Variants in DENND2C observed in about 807,000 individuals in gnomAD.
DENND2C encodes DENN domain-containing protein 2C.
Under a neutral mutation model 112.4 loss-of-function variants are expected in DENND2C, and 72 were observed. The observed-to-expected ratio is 0.64, with a 90% CI of 0.53 to 0.78. DENND2C has a LOEUF of 0.78. DENND2C is among the 30% of genes least tolerant of loss of function. DENND2C has a pLI of 0.00. For missense variants in DENND2C, 992 were observed against 1,113.8 expected, an observed-to-expected ratio of 0.89 and a Z score of 1.56; for synonymous variants, 329 against 381.6, an observed-to-expected ratio of 0.86 and a Z score of 1.61.
chr1:114,627,962 A>G (rs1557950811), intron 3 of DENND2C, among the ~76,000 whole-genome samples: 1 of 150,834 alleles, frequency 6.6e-6, no homozygotes, highest in East Asian at 1.9e-4. Context: ...TCAAATTGAG[A>G]AAAAAAAATG....
rs1655322171 is a variant in DENND2C, at chr1:114,595,595, T to C, written c.2325+237A>G. On this transcript the variant is annotated intron_variant, in intron 17 of 20. Transcript: ENST00000393274. ...GAGTTGAAGGGTGGTTTTACCTCTTTTGAGAATGAGACATTTATGTTTCCT... is the reference window on the plus strand; with the variant it reads ...GAGTTGAAGGGTGGTTTTACCTCTTCTGAGAATGAGACATTTATGTTTCCT... The C allele has an allele frequency of 9.1e-6, 4 of 437,702 alleles. 1 individual carries two copies. In the Admixed American group the frequency reaches 1.6e-4, roughly 17 times the overall value. The allele number at this position is 437,702 out of a possible 1,614,324, so 27.1% of individuals were successfully genotyped here. A position where few individuals can be genotyped will look rare whatever the true frequency, so the allele number is the denominator to read the frequency against.
At chr1:114,661,964 T>C (rs1288598910) in intron 1 of DENND2C, among the ~76,000 whole-genome samples, 1 of 152,204 alleles carries the variant, frequency 6.6e-6, no homozygotes, top group Non-Finnish European at 1.5e-5. Flanking sequence ...TCAACCCTGA[T>C]TTATGTCAAT....
intron 19 of DENND2C, 103 bp downstream of exon 19, chr1:114,587,613 A>T (rs1655074610): frequency 7.0e-7 from 1 of 1,419,798 alleles, no homozygotes; most frequent in South Asian, 1.3e-5. Flanking sequence ...AACAACTCAG[A>T]TTTTAAGCCC....
intron 2 of DENND2C, among the ~76,000 whole-genome samples, chr1:114,647,964 T>C (rs1657043658): frequency 6.6e-6 from 1 of 151,840 alleles, no homozygotes; most frequent in Non-Finnish European, 1.5e-5. Context: ...CCCTCCACCA[T>C]GCGCAGCTAA....
chr1:114,618,003 T>G (rs1656022914), intron 8 of DENND2C, among the ~76,000 whole-genome samples: 1 of 152,050 alleles, frequency 6.6e-6, no homozygotes, highest in Non-Finnish European at 1.5e-5. Context: ...TTTTTTTTTT[T>G]TTTGAGATGG....
At chr1:114,593,099 C>T (rs1265697514) in intron 18 of DENND2C, among the ~76,000 whole-genome samples, 1 of 152,086 alleles carries the variant, frequency 6.6e-6, no homozygotes, top group Admixed American at 6.6e-5. Context: ...TCCCAAAGTG[C>T]TGGGATTACA....
intron 17 of DENND2C, 47 bp downstream of exon 17, chr1:114,595,785 T>C (rs776457264): frequency 6.5e-7 from 1 of 1,527,194 alleles, no homozygotes; most frequent in Admixed American, 1.7e-5. Context: ...TTATCTACAG[T>C]AGACATTTAT....
At chr1:114,597,207 G>A (rs1006618864) in intron 16 of DENND2C, among the ~76,000 whole-genome samples, 1 of 152,120 alleles carries the variant, frequency 6.6e-6, no homozygotes, top group Non-Finnish European at 1.5e-5. Context: ...ACTTTGGGAG[G>A]CTGAGGCGGG....
At chr1:114,661,995 A>G (rs1657504808) in intron 1 of DENND2C, among the ~76,000 whole-genome samples, 1 of 145,700 alleles carries the variant, frequency 6.9e-6, no homozygotes. Flanking sequence ...ATTGATAGCT[A>G]TCACATTACA....
chr1:114,640,938 T>C (rs1656819453), intron 3 of DENND2C, among the ~76,000 whole-genome samples: 1 of 152,228 alleles, frequency 6.6e-6, no homozygotes, highest in Admixed American at 6.5e-5. Flanking sequence ...GCCTGTGTAC[T>C]AGTCTCAATT....
At chr1:114,642,341 C>G (rs1481664721) in intron 3 of DENND2C, among the ~76,000 whole-genome samples, 1 of 152,184 alleles carries the variant, frequency 6.6e-6, no homozygotes, top group Non-Finnish European at 1.5e-5. Flanking sequence ...CTTTCACCCT[C>G]TAATTCAAGC....
At chr1:114,600,178 A>T in intron 15 of DENND2C, 26 bp downstream of exon 15, 1 of 1,600,798 alleles carries the variant, frequency 6.2e-7, no homozygotes, top group Non-Finnish European at 8.5e-7. Flanking sequence ...ACCAGTGTGA[A>T]GTAACATATT....
At chr1:114,616,929 G>A (rs955738280) in intron 8 of DENND2C, among the ~76,000 whole-genome samples, 1 of 152,108 alleles carries the variant, frequency 6.6e-6, no homozygotes, top group African/African-American at 2.4e-5. Context: ...TGGCTAGGGA[G>A]GCCTCAGAAT....
rs199932240 is a variant in DENND2C at position 114,587,742 on chromosome 1, C to T, written c.2642G>A (p.Arg881Gln). The change falls in exon 19 of 21, where the codon CGA becomes CAA. Residue 881 changes from arginine to glutamine, a missense_variant. Coordinates refer to ENST00000393274, the MANE Select transcript of DENND2C (RefSeq NM_001256404.2). ...TTTAACTCCACTTTTCCGAAGCTCT[C>T]GGTCCTGGATGAATCCTGCAAACAT... ...TQMFAGFIQD[R>Q]ELRKSGVKGL... The T allele has an allele frequency of 7.2e-5, 116 of 1,611,802 alleles. No individual in the cohort carries two copies. The highest frequency in any genetic ancestry group is 5.9e-6 in the Non-Finnish European group (7 of 1,178,566).
intron 8 of DENND2C, among the ~76,000 whole-genome samples, chr1:114,615,324 C>A (rs150005910): frequency 6.6e-6 from 1 of 151,982 alleles, no homozygotes; most frequent in Non-Finnish European, 1.5e-5. Context: ...AAAAAATACA[C>A]GGAAAAGAGA....
At chr1:114,627,770 G>T (rs1656385874) in intron 3 of DENND2C, among the ~76,000 whole-genome samples, 1 of 152,006 alleles carries the variant, frequency 6.6e-6, no homozygotes, top group Non-Finnish European at 1.5e-5. Flanking sequence ...TTCTTTTCTT[G>T]CTTCTGGTAT....
chr1:114,594,571 T>G lies in DENND2C; in HGVS notation c.2333A>C (p.Asp778Ala), dbSNP rs192545956. The G allele has an allele frequency of 6.2e-7, 1 of 1,612,832 alleles. No homozygotes were observed. ...TTTTGGTGGTAGAATTTCATCCTCA[T>G]CAGATACCTTAAGAAGAAAAAAAAA... ...CADKFLQEVS[D>A]EDEILPPKLQ... is the part of the protein sequence containing the mutation. Residue 778 changes from aspartate (D) to alanine (A), a missense_variant, in exon 18 of 21, where the codon GAT becomes GCT. Asp to Ala is a moderately radical substitution (Grantham distance 126). This residue lies in a region of DENND2C where 516 missense variants were observed against 623.6 expected (regional missense o/e 0.83). Coordinates refer to ENST00000393274, the MANE Select transcript of DENND2C (RefSeq NM_001256404.2).
In DENND2C at chr1:114,621,941, A is replaced by G. The variant is rs1295226046; in HGVS notation, c.1181T>C (p.Phe394Ser). ...CGTGTTTGCAACTTCACCAGCTCGG[A>G]AAAGCTTCCATTCCGTTAAAGTGAC... ...LPVTLTEWKL[F>S]RAGEVANTKR... Residue 394 changes from phenylalanine (F) to serine (S), a missense_variant, in exon 7 of 21, where the codon TTC becomes TCC. Coordinates refer to ENST00000393274, the MANE Select transcript of DENND2C (RefSeq NM_001256404.2). The G allele has an allele frequency of 1.7e-5, 26 of 1,550,574 alleles. No homozygotes were observed. The highest frequency in any genetic ancestry group is 2.3e-5 in the Non-Finnish European group (26 of 1,147,020).
intron 2 of DENND2C, among the ~76,000 whole-genome samples, chr1:114,649,276 T>A (rs1425525456): frequency 6.6e-6 from 1 of 152,148 alleles, no homozygotes; most frequent in African/African-American, 2.4e-5. Flanking sequence ...ATTATCCTTT[T>A]AAAAATCCCC....
Sources: allele counts gnomAD v4.1 joint callset (sites outside exome capture counted in the v4.1 genomes callset), GRCh38; gene constraint gnomAD v4.1.1; regional missense constraint gnomAD v4.1.1; transcripts MANE v1.5; gene names NCBI Gene and HGNC (gene_info 2026-07-23, HGNC 2026-07-21).